Variants in ZNF622 observed in about 807,000 individuals in gnomAD.
ZNF622 encodes cytoplasmic 60S subunit biogenesis factor ZNF622.
In ZNF622, 34 loss-of-function variants were observed where a neutral mutation model predicts 49.7. The observed-to-expected ratio is 0.68, with a 90% CI of 0.52 to 0.91. The LOEUF is 0.91. Ranked by LOEUF, ZNF622 falls within the 40% of genes least tolerant of loss-of-function variation. The pLI is 0.00. For synonymous variants in ZNF622, 209 were observed against 228.7 expected, an observed-to-expected ratio of 0.91 and a Z score of 0.78; for missense variants, 569 against 616.4, an observed-to-expected ratio of 0.92 and a Z score of 0.81.
intron 4 of ZNF622, among the ~76,000 whole-genome samples, 190 bp downstream of exon 4, chr5:16,458,327 T>A (rs958533029): frequency 2.0e-5 from 3 of 149,162 alleles, no homozygotes; most frequent in Middle Eastern, 7.0e-3. Context: ...GAAACACTGA[T>A]CAAATTTAAA....
At chr5:16,461,028 A>G (rs1447872510) in intron 3 of ZNF622, among the ~76,000 whole-genome samples, 7 of 152,210 alleles carry the variant, frequency 4.6e-5, no homozygotes, top group Non-Finnish European at 1.5e-5. Flanking sequence ...ACAGGATAAA[A>G]AGGATTGGGT....
In ZNF622 at chr5:16,463,991, C is replaced by A. The variant is rs182438968; in HGVS notation, c.626-249G>T. 4.8e-3 allele frequency among the ~76,000 whole-genome samples: 737 copies of A among 152,306 alleles called. 9 individuals are homozygous for A. Among genetic ancestry groups the A allele is most frequent in the African/African-American group, 0.017 (704 of 41,568 alleles). ...ATCTTTTCTTTGTTTCTTTCCTATGCCTTACAGCACCTAGCCCAGTGCTGA... is the reference window on the plus strand; with the variant it reads ...ATCTTTTCTTTGTTTCTTTCCTATGACTTACAGCACCTAGCCCAGTGCTGA... On this transcript the variant is annotated intron_variant, in intron 1 of 5. Coordinates refer to ENST00000308683, the MANE Select transcript of ZNF622 (RefSeq NM_033414.3). The surrounding 1 kb of genome is among the most constrained non-coding windows in gnomAD (Gnocchi z 4.2).
At chr5:16,454,855 G>T (rs1264055180) in intron 4 of ZNF622, among the ~76,000 whole-genome samples, 1 of 152,148 alleles carries the variant, frequency 6.6e-6, no homozygotes, top group Non-Finnish European at 1.5e-5. Context: ...TAGGGAAAAT[G>T]TCCCAACCCA....
intron 4 of ZNF622, among the ~76,000 whole-genome samples, chr5:16,454,952 A>G (rs1429634764): frequency 1.3e-5 from 2 of 152,224 alleles, no homozygotes; most frequent in African/African-American, 4.8e-5. Context: ...GTGGCTCTCC[A>G]AAGGTGGTCA....
intron 4 of ZNF622, among the ~76,000 whole-genome samples, chr5:16,455,951 C>T (rs1411517236): frequency 1.3e-5 from 2 of 152,116 alleles, no homozygotes; most frequent in African/African-American, 4.8e-5. Context: ...CTTGAAGGCC[C>T]TCATCAAGGA....
intron 4 of ZNF622, among the ~76,000 whole-genome samples, chr5:16,454,555 G>C (rs187010399): frequency 6.6e-6 from 1 of 151,490 alleles, no homozygotes; most frequent in Admixed American, 6.6e-5. Context: ...TTCTGTAGCT[G>C]GAATAATAAA....
chr5:16,462,991 A>C, intron 3 of ZNF622, 117 bp downstream of exon 3: 2 of 1,039,016 alleles, frequency 1.9e-6, no homozygotes, highest in Non-Finnish European at 2.7e-6. Context: ...CAGAGGTGTT[A>C]TAAGTGTTAT....
chr5:16,454,835 T>TG (rs1454648138), intron 4 of ZNF622, among the ~76,000 whole-genome samples: 1 of 152,172 alleles, frequency 6.6e-6, no homozygotes, highest in Non-Finnish European at 1.5e-5. Context: ...CGATCACCTC[T>TG]GGCCCTTTCT....
intron 4 of ZNF622, among the ~76,000 whole-genome samples, chr5:16,455,748 AC>A: frequency 6.6e-6 from 1 of 152,356 alleles, no homozygotes; most frequent in East Asian, 1.9e-4. Context: ...TTCTTAAGCA[AC>A]ATGTGGAAAC....
intron 4 of ZNF622, among the ~76,000 whole-genome samples, chr5:16,456,594 A>C (rs1273787748): frequency 1.3e-5 from 2 of 152,142 alleles, no homozygotes; most frequent in Non-Finnish European, 1.5e-5. Flanking sequence ...AATAAGTTGA[A>C]TCTTACAAGA....
rs1203850613 is a variant in ZNF622 at position 16,463,089 on chromosome 5, T to A, written c.1049+19A>T. ...GCAAATATGACCTCACTTTACTTCATATTACAAACTATGCTTACCTAAAAT... is the reference window on the plus strand; with the variant it reads ...GCAAATATGACCTCACTTTACTTCAAATTACAAACTATGCTTACCTAAAAT... On this transcript the variant is annotated intron_variant, in intron 3 of 5. Coordinates refer to ENST00000308683, the MANE Select transcript of ZNF622 (RefSeq NM_033414.3). The surrounding 1 kb of genome is among the most constrained non-coding windows in gnomAD (Gnocchi z 4.2). 6.3e-7 allele frequency: 1 copy of A among 1,593,662 alleles called. No homozygotes were observed. The highest frequency in any genetic ancestry group is 1.2e-5 in the South Asian group (1 of 86,834).
In ZNF622 at chr5:16,465,421, T is replaced by C. The variant is rs375489249; in HGVS notation, c.245A>G (p.Tyr82Cys). 6.8e-6 allele frequency: 11 copies of C among 1,614,258 alleles called. No individual in the cohort carries two copies. The highest frequency in any genetic ancestry group is 3.3e-5 in the Admixed American group (2 of 60,028). Residue 82 changes from tyrosine (Y) to cysteine (C), a missense_variant, in exon 1 of 6, where the codon TAC (tyrosine) becomes TGC (cysteine). Physicochemically the swap from Tyr to Cys is radical, Grantham distance 194. Transcript: ENST00000308683. The surrounding 1 kb of genome is among the most constrained non-coding windows in gnomAD (Gnocchi z 6.2). ...CSKKFASFNA[Y>C]ENHLKSRRHV... ...ACGCCGGGACTTGAGGTGGTTCTCGTAGGCGTTGAAAGAGGCAAACTTCTT... is the reference window on the plus strand; with the variant it reads ...ACGCCGGGACTTGAGGTGGTTCTCGCAGGCGTTGAAAGAGGCAAACTTCTT...
Position 16,453,598 on chromosome 5 carries a change from T to G in ZNF622, c.1163-442A>C, listed in dbSNP as rs1402111991. On this transcript the variant is annotated intron_variant, in intron 4 of 5. Coordinates refer to ENST00000308683, the MANE Select transcript of ZNF622 (RefSeq NM_033414.3). The stretch of plus-strand genomic sequence containing the variant: ...ATATATATATATATATATATATATA[T>G]ATATGAAGAAGATTAAGCACAGAGA... 4.2e-5 allele frequency among the ~76,000 whole-genome samples: 5 copies of G among 119,914 alleles called. No homozygotes were observed. The East Asian group carries it at 1.3e-3, about 31-fold the overall frequency. 78.7% of individuals were successfully genotyped at this position (119,914 alleles called of 152,430 possible).
intron 3 of ZNF622, among the ~76,000 whole-genome samples, chr5:16,458,860 T>C (rs1328275751): frequency 6.6e-6 from 1 of 152,232 alleles, no homozygotes; most frequent in African/African-American, 2.4e-5. Context: ...TGTTTTTCCC[T>C]AGAAAGGCTG....
chr5:16,457,342 A>C (rs1738042801), intron 4 of ZNF622, among the ~76,000 whole-genome samples: 1 of 152,198 alleles, frequency 6.6e-6, no homozygotes, highest in African/African-American at 2.4e-5. Context: ...TCAAACATAC[A>C]GTTCTGGAAA....
In ZNF622 at chr5:16,465,646, A is replaced by T; in HGVS notation, c.20T>A (p.Ile7Lys). 1 of 1,588,870 alleles carries T rather than the reference A, an allele frequency of 6.3e-7. No homozygotes were observed. The highest frequency in any genetic ancestry group is 8.6e-7 in the Non-Finnish European group (1 of 1,166,978). The change falls in exon 1 of 6, where the codon ATA becomes AAA. Residue 7 changes from isoleucine to lysine, a missense_variant. Coordinates refer to ENST00000308683, the MANE Select transcript of ZNF622 (RefSeq NM_033414.3). This position sits in a 1 kb window ranked among gnomAD's most constrained non-coding sequence, Gnocchi z 6.2. MATYTCITCRVAFRDAD... is the reference protein window; with the variant it reads MATYTCKTCRVAFRDAD... ...GTCGCGGAACGCCACCCGGCAAGTT[A>T]TGCAGGTGTACGTCGCCATTGCCAG...
chr5:16,454,488 CA>C (rs34774848), intron 4 of ZNF622, among the ~76,000 whole-genome samples: 69 of 66,710 alleles, frequency 1.0e-3, no homozygotes, highest in African/African-American at 3.4e-3. Flanking sequence ...ACTCCGTCTC[CA>C]AAAAAAAAAA....
chr5:16,451,609 C>T lies in ZNF622; in HGVS notation c.*48G>A. 6.3e-7 allele frequency: 1 copy of T among 1,598,948 alleles called. No homozygotes were observed. Among genetic ancestry groups the T allele is most frequent in the Non-Finnish European group, 8.5e-7 (1 of 1,173,016 alleles). On this transcript the variant is annotated 3_prime_UTR_variant, in exon 6 of 6. Transcript: ENST00000308683. ...ATCTGTCTTTCACTGGTCCTCAGGG[C>T]AAGGAGGAAACTTGGGCAGGAGATG...
chr5:16,453,017 G>C lies in ZNF622; in HGVS notation c.1302C>G (p.Ser434Arg), dbSNP rs141371616. The change falls in exon 5 of 6, where the codon AGC becomes AGG. Residue 434 changes from serine (S) to arginine (R), a missense_variant. Physicochemically the swap from Ser to Arg is moderately radical, Grantham distance 110 (BLOSUM62 -1). Coordinates refer to ENST00000308683, the MANE Select transcript of ZNF622 (RefSeq NM_033414.3). The stretch of plus-strand genomic sequence containing the variant: ...TAGTTGTAAAGATCAATGTACCTGT[G>C]CTGCCAGTCCATCCCAGGGCTCTGT... ...QQYRALGWTG[S>R]TGAALMRERD... 1 of 1,465,806 alleles carries C rather than the reference G, an allele frequency of 6.8e-7. No homozygotes were observed. The highest frequency in any genetic ancestry group is 1.8e-4 in the Middle Eastern group (1 of 5,428). 90.8% of individuals were successfully genotyped at this position (1,465,806 alleles called of 1,614,324 possible).
Sources: gnomAD v4.1 joint callset for allele counts (sites outside exome capture counted in the v4.1 genomes callset) on GRCh38, gnomAD v4.1.1 for gene constraint, Gnocchi (gnomAD v3.1) non-coding constraint, MANE v1.5 for transcripts, NCBI Gene and HGNC (gene_info 2026-07-23, HGNC 2026-07-21) for gene names.